The following CAST variants were observed in gnomAD, a reference collection of about 807,000 sequenced individuals.
CAST encodes the protein calpastatin.
In CAST, 76 loss-of-function variants were observed where a neutral mutation model predicts 119.6. That is an observed-to-expected ratio of 0.64 (90% CI 0.53 to 0.77). CAST has a LOEUF of 0.77. CAST is among the 30% of genes least tolerant of loss of function. The pLI, the probability that CAST is intolerant of heterozygous loss-of-function variation, is 0.00. For synonymous variants in CAST, 319 were observed against 331.6 expected (o/e 0.96, Z 0.41); for missense variants, 953 against 946.5 (o/e 1.01, Z -0.09).
the CAST span, among the ~76,000 whole-genome samples, chr5:96,112,111 TCA>T: frequency 6.6e-6 from 1 of 151,760 alleles, no homozygotes; most frequent in African/African-American, 2.4e-5. Flanking sequence ...TAATATATTC[TCA>T]GTTATTAATA....
chr5:96,400,949 C>T, the CAST span, among the ~76,000 whole-genome samples: 812 of 150,310 alleles, frequency 5.4e-3, 6 homozygotes, highest in African/African-American at 0.019. Flanking sequence ...TAGCCGGGCG[C>T]GGTGGCGGGC....
the CAST span, among the ~76,000 whole-genome samples, chr5:96,225,862 AAAAG>A: frequency 6.6e-6 from 1 of 152,208 alleles, no homozygotes; most frequent in African/African-American, 2.4e-5. Flanking sequence ...TTCAGGGAGA[AAAAG>A]AAATTTAATT....
At chr5:96,682,419 A>G (rs149667151) in intron 2 of CAST, among the ~76,000 whole-genome samples, 9 of 152,150 alleles carry the variant, frequency 5.9e-5, no homozygotes, top group African/African-American at 2.2e-4. Context: ...GTCTCACTCC[A>G]TTATCATTCC....
intron 1 of CAST, among the ~76,000 whole-genome samples, chr5:96,674,118 C>T (rs1029320603): frequency 2.0e-5 from 3 of 152,116 alleles, no homozygotes; most frequent in Admixed American, 6.5e-5. Context: ...TATCTAATTC[C>T]ATTTAGTGTG....
At chr5:96,238,720 C>T in the CAST span, among the ~76,000 whole-genome samples, 1 of 151,954 alleles carries the variant, frequency 6.6e-6, no homozygotes, top group East Asian at 1.9e-4. Context: ...TTTTTAATAG[C>T]TGCATAGTTT....
chr5:96,270,346 C>T, the CAST span, among the ~76,000 whole-genome samples: 35 of 152,054 alleles, frequency 2.3e-4, no homozygotes, highest in Non-Finnish European at 4.1e-4. Flanking sequence ...CAAGGATGCC[C>T]ACTTTTACCA....
chr5:96,662,156 G>C (rs968989057), upstream of CAST: 3 of 392,404 alleles, frequency 7.6e-6, no homozygotes, highest in African/African-American at 2.1e-5. Context: ...GGGCCGGGGC[G>C]GGTCACCGGG....
chr5:96,103,029 T>C, the CAST span, among the ~76,000 whole-genome samples: 1 of 152,084 alleles, frequency 6.6e-6, no homozygotes, highest in Non-Finnish European at 1.5e-5. Flanking sequence ...TTTAGGAGAA[T>C]ATCAGTAAAT....
the CAST span, among the ~76,000 whole-genome samples, chr5:96,314,880 T>C: frequency 9.9e-5 from 15 of 152,198 alleles, no homozygotes; most frequent in South Asian, 2.1e-4. Flanking sequence ...CCCTTTAAAT[T>C]TGCAATATAG....
At chr5:96,623,021 AC>A (rs527617927) in intron 1 of CAST, among the ~76,000 whole-genome samples, 172 of 151,228 alleles carry the variant, frequency 1.1e-3, no homozygotes, top group African/African-American at 4.0e-3. Context: ...GCACCACCAC[AC>A]CTGGCTAATT....
chr5:96,085,683 T>C, the CAST span, among the ~76,000 whole-genome samples: 1 of 152,214 alleles, frequency 6.6e-6, no homozygotes, highest in African/African-American at 2.4e-5. Flanking sequence ...TGAGCTTAAC[T>C]AGACGTGAAA....
At chr5:96,067,331 C>T in the CAST span, among the ~76,000 whole-genome samples, 4 of 152,242 alleles carry the variant, frequency 2.6e-5, no homozygotes, top group African/African-American at 7.2e-5. Flanking sequence ...TATAGTCTTC[C>T]AGTAAATACA....
At chr5:96,384,882 A>C in the CAST span, among the ~76,000 whole-genome samples, 1 of 152,210 alleles carries the variant, frequency 6.6e-6, no homozygotes, top group Non-Finnish European at 1.5e-5. Flanking sequence ...GAAGTCCTAC[A>C]GTGAAAAAAT....
chr5:96,417,113 C>T, the CAST span, among the ~76,000 whole-genome samples: 25 of 152,284 alleles, frequency 1.6e-4, no homozygotes, highest in South Asian at 1.7e-3. Context: ...ATAATGTTGG[C>T]CAGTTACATT....
At chr5:96,021,693 T>G in the CAST span, among the ~76,000 whole-genome samples, 25 of 152,202 alleles carry the variant, frequency 1.6e-4, no homozygotes, top group Non-Finnish European at 2.6e-4. Flanking sequence ...TAATCCTCCC[T>G]CCTTGGCCTC....
At chr5:96,344,361 G>T in the CAST span, among the ~76,000 whole-genome samples, 12 of 151,950 alleles carry the variant, frequency 7.9e-5, no homozygotes, top group African/African-American at 2.4e-4. Context: ...TCCAAATATG[G>T]TTTTTTTTCT....
At chr5:96,214,435 T>G in the CAST span, among the ~76,000 whole-genome samples, 2 of 152,200 alleles carry the variant, frequency 1.3e-5, no homozygotes, top group Non-Finnish European at 2.9e-5. Flanking sequence ...ATTACCTTAT[T>G]ATTGTTACTA....
the CAST span, chr5:96,416,176 T>C: frequency 8.4e-7 from 1 of 1,196,168 alleles, no homozygotes; most frequent in East Asian, 2.3e-5. Flanking sequence ...ACATTTGTTT[T>C]GCATATGAAT....
chr5:96,549,260 G>A (rs1746080095), intron 1 of CAST, among the ~76,000 whole-genome samples: 1 of 152,316 alleles, frequency 6.6e-6, no homozygotes, highest in Non-Finnish European at 1.5e-5. Flanking sequence ...TCAAAGGTAT[G>A]TTGGCATTTG....
Sources: gnomAD v4.1 joint callset for allele counts (sites outside exome capture counted in the v4.1 genomes callset) on GRCh38, gnomAD v4.1.1 for gene constraint, MANE v1.5 for transcripts, NCBI Gene and HGNC (gene_info 2026-07-23, HGNC 2026-07-21) for gene names.